Variants in ELOVL2 observed in about 807,000 individuals in gnomAD.
ELOVL2 encodes ELOVL fatty acid elongase 2, also known as very long chain fatty acid elongase 2.
Under a neutral mutation model 37.7 loss-of-function variants are expected in ELOVL2, and 38 were observed. The observed-to-expected ratio is 1.01, with a 90% CI of 0.78 to 1.32. The LOEUF is 1.32. Ranked by LOEUF, ELOVL2 falls within the 40% of genes most tolerant of loss-of-function variation. The probability of loss-of-function intolerance (pLI) is 0.00; values close to 1 mark genes in which losing one functional copy is unlikely to be tolerated. For synonymous variants in ELOVL2, 115 were observed against 122.3 expected (o/e 0.94, Z 0.40); for missense variants, 352 against 363.6 (o/e 0.97, Z 0.26).
chr6:10,989,695 C>T lies in ELOVL2; in HGVS notation c.765+8G>A, dbSNP rs773609404. On this transcript the variant is annotated splice_region_variant and intron_variant, in intron 7 of 7. Transcript: ENST00000354666. ...CATTTTACTGCTGAATATTTACATT[C>T]CACGTACCTGAACGTAAAAATTTAA... 1.2e-6 allele frequency: 2 copies of T among 1,612,736 alleles called. No individual in the cohort carries two copies. The highest frequency in any genetic ancestry group is 2.2e-5 in the South Asian group (2 of 90,978).
chr6:10,985,648 A>G (rs1445806849), intron 7 of ELOVL2, among the ~76,000 whole-genome samples: 1 of 151,866 alleles, frequency 6.6e-6, no homozygotes, highest in African/African-American at 2.4e-5. Context: ...GTCAAAGATC[A>G]GATAGTTGTA....
At chr6:11,033,721 C>A (rs958611338) in intron 1 of ELOVL2, among the ~76,000 whole-genome samples, 1 of 152,084 alleles carries the variant, frequency 6.6e-6, no homozygotes, top group Non-Finnish European at 1.5e-5. Flanking sequence ...GAGGAAGAAA[C>A]AAAAATCAGA....
At chr6:11,022,475 G>A (rs536308726) in intron 1 of ELOVL2, among the ~76,000 whole-genome samples, 6 of 152,296 alleles carry the variant, frequency 3.9e-5, no homozygotes, top group Admixed American at 6.5e-5. Context: ...AATCAATCCC[G>A]GGAGAACTCT....
Position 10,981,461 on chromosome 6 carries a change from A to G in ELOVL2, c.*2320T>C, listed in dbSNP as rs892537553. On this transcript the variant is annotated 3_prime_UTR_variant, in exon 8 of 8. Transcript: ENST00000354666. ...ATTAGCCCTTGAATGGTTTAAGGCT[A>G]TAAGTGTTTTATGAAGCATCTCTTG... is the stretch of plus-strand genomic sequence containing the variant. The G allele has an allele frequency of 2.0e-5, 3 of 152,790 alleles. No individual in the cohort carries two copies. The highest frequency in any genetic ancestry group is 3.9e-4 in the East Asian group (2 of 5,190). The allele number at this position is 152,790 out of a possible 1,614,324, so 9.5% of individuals were successfully genotyped here.
intron 1 of ELOVL2, among the ~76,000 whole-genome samples, chr6:11,031,231 T>C (rs1334633172): frequency 6.6e-6 from 1 of 152,244 alleles, no homozygotes; most frequent in Admixed American, 6.5e-5. Context: ...TTTTCTGCTA[T>C]TACAAAAAAT....
chr6:11,010,023 C>CTT (rs150370092), intron 2 of ELOVL2, among the ~76,000 whole-genome samples: 1,471 of 132,984 alleles, frequency 0.011, 22 homozygotes, highest in Non-Finnish European at 0.017. Flanking sequence ...GCGCACACAT[C>CTT]TTTTTTTTTT....
intron 5 of ELOVL2, 70 bp from the exon 6 acceptor site, chr6:10,990,512 A>G (rs1486639628): frequency 7.0e-7 from 1 of 1,438,372 alleles, no homozygotes; most frequent in Non-Finnish European, 9.3e-7. Flanking sequence ...GTCAAGTGAG[A>G]TTCTCTCTCT....
At chr6:11,043,432 C>CAG (rs1554114342) in intron 1 of ELOVL2, 3 of 115,052 alleles carry the variant, frequency 2.6e-5, no homozygotes, top group African/African-American at 7.4e-5. Context: ...CACACACACA[C>CAG]AGCTTACTGT....
chr6:11,043,701 GGGA>G, intron 1 of ELOVL2: 1 of 154,906 alleles, frequency 6.5e-6, no homozygotes, highest in Non-Finnish European at 1.4e-5. Context: ...GCGCGGTGAA[GGGA>G]GGAGAGGGGC....
chr6:10,987,572 G>T (rs866877915), intron 7 of ELOVL2, among the ~76,000 whole-genome samples: 46 of 152,224 alleles, frequency 3.0e-4, no homozygotes, highest in African/African-American at 1.1e-3. Flanking sequence ...TGGTTTCAAA[G>T]AACATCTTTC....
chr6:10,989,088 T>C (rs1782098224), intron 7 of ELOVL2, among the ~76,000 whole-genome samples: 1 of 152,258 alleles, frequency 6.6e-6, no homozygotes, highest in Non-Finnish European at 1.5e-5. Flanking sequence ...ATGTCAGACT[T>C]TGGTAGCATG....
intron 1 of ELOVL2, among the ~76,000 whole-genome samples, chr6:11,037,138 G>A (rs1361242668): frequency 6.8e-6 from 1 of 147,766 alleles, no homozygotes; most frequent in Non-Finnish European, 1.5e-5. Context: ...CAGAGAGGGA[G>A]AGAGAGACAG....
rs1318035442 is a variant in ELOVL2 at position 11,010,805 on chromosome 6, T to C, written c.8A>G (p.His3Arg). 1.2e-6 allele frequency: 2 copies of C among 1,607,306 alleles called. No individual in the cohort carries two copies. Among genetic ancestry groups the C allele is most frequent in the East Asian group, 4.5e-5 (2 of 44,852 alleles). ...GATTTCATCATCAAAGGCCTTTAGA[T>C]GTTCCTAAAAAGAGAAAGAAAAAAT... The part of the protein sequence containing the change: ME[H>R]LKAFDDEINA... Residue 3 changes from histidine (H) to arginine (R), a missense_variant, in exon 2 of 8, where the codon CAT becomes CGT. Transcript: ENST00000354666.
intron 1 of ELOVL2, among the ~76,000 whole-genome samples, chr6:11,038,923 C>T (rs527840215): frequency 1.3e-5 from 2 of 152,148 alleles, no homozygotes; most frequent in African/African-American, 4.8e-5. Context: ...GTTTTAAGTG[C>T]TGTGGAAAAA....
chr6:11,019,703 C>A (rs1352919094), intron 1 of ELOVL2, among the ~76,000 whole-genome samples: 1 of 150,268 alleles, frequency 6.7e-6, no homozygotes, highest in Non-Finnish European at 1.5e-5. Context: ...ACTTTTTACT[C>A]TGTATATGTC....
intron 1 of ELOVL2, among the ~76,000 whole-genome samples, chr6:11,021,204 A>C (rs974586123): frequency 1.3e-5 from 2 of 152,086 alleles, no homozygotes; most frequent in African/African-American, 4.8e-5. Flanking sequence ...CCTCCAACAC[A>C]TCCTGTTCTC....
chr6:10,981,710 A>G lies in ELOVL2; in HGVS notation c.*2071T>C, dbSNP rs1438718347. ...ATCCAGAGTGGCAGGTATGCTATGC[A>G]CTGAGACCTTAGGGCCTCACTGGCA... On this transcript the variant is annotated 3_prime_UTR_variant, in exon 8 of 8. Transcript: ENST00000354666. 6.6e-6 allele frequency: 1 copy of G among 152,226 alleles called. No homozygotes were observed. Among genetic ancestry groups the G allele is most frequent in the Non-Finnish European group, 1.5e-5 (1 of 68,046 alleles). 9.4% of individuals were successfully genotyped at this position (152,226 alleles called of 1,614,324 possible). A position where few individuals can be genotyped will look rare whatever the true frequency, so the allele number is the denominator to read the frequency against.
intron 2 of ELOVL2, among the ~76,000 whole-genome samples, chr6:11,009,018 G>C (rs1407842587): frequency 6.6e-6 from 1 of 152,176 alleles, no homozygotes; most frequent in Non-Finnish European, 1.5e-5. Context: ...AGCCAATAAG[G>C]CTCAAGTAAA....
At chr6:11,000,223 AC>A in intron 3 of ELOVL2, 59 bp from the exon 4 acceptor site, 3 of 1,492,280 alleles carry the variant, frequency 2.0e-6, no homozygotes, top group Non-Finnish European at 2.8e-6. Context: ...TTGGATACAG[AC>A]TGAATTTCCC....
Sources: gnomAD v4.1 joint callset for allele counts (sites outside exome capture counted in the v4.1 genomes callset) on GRCh38, gnomAD v4.1.1 for gene constraint, MANE v1.5 for transcripts, NCBI Gene and HGNC (gene_info 2026-07-23, HGNC 2026-07-21) for gene names.